Variants in GALNT1 observed in about 807,000 individuals in gnomAD.
The protein encoded by GALNT1 is polypeptide N-acetylgalactosaminyltransferase 1.
In GALNT1, 17 loss-of-function variants were observed where a neutral mutation model predicts 65.7. That is an observed-to-expected ratio of 0.26 (90% CI 0.18 to 0.39). GALNT1 has a LOEUF of 0.39. Ranked by LOEUF, GALNT1 falls within the 10% of genes least tolerant of loss-of-function variation. The pLI is 1.00. For synonymous variants in GALNT1, 210 were observed against 219.7 expected (o/e 0.96, Z 0.39); for missense variants, 460 against 672.8 (o/e 0.68, Z 3.50).
intron 1 of GALNT1, among the ~76,000 whole-genome samples, chr18:35,642,958 C>T (rs117751405): frequency 1.8e-3 from 273 of 152,028 alleles, no homozygotes; most frequent in Non-Finnish European, 3.2e-3. Flanking sequence ...TTCTCCATGT[C>T]GGGGGCAGTG....
chr18:35,584,563 C>G (rs1368802807), intron 1 of GALNT1, among the ~76,000 whole-genome samples: 1 of 152,158 alleles, frequency 6.6e-6, no homozygotes, highest in East Asian at 1.9e-4. Context: ...ACTGTTTGTT[C>G]ATTTATTCAA....
At chr18:35,591,743 G>A (rs549022170) in intron 1 of GALNT1, 120 of 154,394 alleles carry the variant, frequency 7.8e-4, no homozygotes, top group Admixed American at 2.4e-3. Flanking sequence ...CATACATGTA[G>A]GTGAGTGATT....
chr18:35,630,480 A>G (rs528729333), intron 1 of GALNT1, among the ~76,000 whole-genome samples: 1 of 152,354 alleles, frequency 6.6e-6, no homozygotes, highest in Admixed American at 6.5e-5. Context: ...ATGAAGGCAG[A>G]AATAAAGATG....
chr18:35,629,885 A>G (rs1249549497), intron 1 of GALNT1, among the ~76,000 whole-genome samples: 1 of 152,206 alleles, frequency 6.6e-6, no homozygotes, highest in Non-Finnish European at 1.5e-5. Flanking sequence ...ATGGAAAACA[A>G]AAAAAGGCAG....
At chr18:35,646,635 T>C (rs2047234944) in intron 1 of GALNT1, among the ~76,000 whole-genome samples, 1 of 152,224 alleles carries the variant, frequency 6.6e-6, no homozygotes, top group Admixed American at 6.5e-5. Context: ...GAGTGTTTAA[T>C]GACTCAGTCT....
chr18:35,677,877 A>G, intron 4 of GALNT1, 120 bp downstream of exon 4: 1 of 711,346 alleles, frequency 1.4e-6, no homozygotes, highest in Non-Finnish European at 2.1e-6. Context: ...TCCCAAAAAT[A>G]TGGCATTTGG....
chr18:35,682,908 T>TA (rs34199709), intron 4 of GALNT1, among the ~76,000 whole-genome samples: 89,987 of 118,208 alleles, frequency 0.76, 34,496 homozygotes, highest in South Asian at 0.85. Flanking sequence ...GCCCCCTGAT[T>TA]AAAAAAAAAA....
chr18:35,644,918 G>A (rs2047210055), intron 1 of GALNT1, among the ~76,000 whole-genome samples: 2 of 152,032 alleles, frequency 1.3e-5, no homozygotes, highest in African/African-American at 4.8e-5. Flanking sequence ...TTGAACCCAG[G>A]TGGCAAAGGT....
intron 7 of GALNT1, among the ~76,000 whole-genome samples, chr18:35,689,537 TTTATTA>T (rs1159751830): frequency 6.6e-6 from 1 of 152,180 alleles, no homozygotes; most frequent in Non-Finnish European, 1.5e-5. Flanking sequence ...GTTTTTAATT[TTTATTA>T]TTTTCAAGGA....
chr18:35,618,263 A>G (rs1280999585), intron 1 of GALNT1, among the ~76,000 whole-genome samples: 1 of 152,138 alleles, frequency 6.6e-6, no homozygotes, highest in East Asian at 1.9e-4. Flanking sequence ...GTATTCATTA[A>G]AAAGTATATA....
At chr18:35,680,458 G>A (rs1379477327) in intron 4 of GALNT1, among the ~76,000 whole-genome samples, 1 of 152,150 alleles carries the variant, frequency 6.6e-6, no homozygotes, top group African/African-American at 2.4e-5. Context: ...TACTTTGTCA[G>A]GTCTATTTGC....
At position 35,687,133 on chromosome 18, in the gene GALNT1, T is replaced by G; in HGVS notation, c.807T>G (p.Pro269=). 1 of 1,613,932 alleles carries G rather than the reference T, an allele frequency of 6.2e-7. No individual in the cohort carries two copies. The highest frequency in any genetic ancestry group is 8.5e-7 in the Non-Finnish European group (1 of 1,179,842). The change falls in exon 6 of 12, where the codon CCT becomes CCG. Residue 269 remains proline (P), a synonymous_variant. Coordinates refer to ENST00000269195, the MANE Select transcript of GALNT1 (RefSeq NM_020474.4). ...FNWKLNFRWY[P]VPQREMDRRK... ...GGAAGCTCAATTTTCGCTGGTATCC[T>G]GTTCCCCAAAGAGAAATGGACAGAA...
chr18:35,611,592 A>G lies in GALNT1; in HGVS notation c.-104+29730A>G, dbSNP rs931076628. On this transcript the variant is annotated intron_variant, in intron 1 of 11. Coordinates refer to ENST00000269195, the MANE Select transcript of GALNT1 (RefSeq NM_020474.4). ...AAATTCAATCAAGGTCCAATATGTAATCAGACAAAAGTAAGGATGTGGAGG... is the reference window on the plus strand; with the variant it reads ...AAATTCAATCAAGGTCCAATATGTAGTCAGACAAAAGTAAGGATGTGGAGG... 2.0e-5 allele frequency among the ~76,000 whole-genome samples: 3 copies of G among 152,202 alleles called. No homozygotes were observed. The East Asian group carries it at 5.8e-4, about 29-fold the overall frequency.
rs1300287293 is a variant in GALNT1 at position 35,687,038 on chromosome 18, A to G, written c.712A>G (p.Ile238Val). 2 of 1,613,082 alleles carry G rather than the reference A, an allele frequency of 1.2e-6. No homozygotes were observed. Among genetic ancestry groups the G allele is most frequent in the African/African-American group, 1.3e-5 (1 of 74,890 alleles). The change falls in exon 6 of 12, where the codon ATC (isoleucine) becomes GTC (valine). Residue 238 changes from isoleucine to valine, a missense_variant. By Grantham distance (29) the Ile-to-Val change is conservative (BLOSUM62 3). Coordinates refer to ENST00000269195, the MANE Select transcript of GALNT1 (RefSeq NM_020474.4). The stretch of plus-strand genomic sequence containing the variant: ...CAGGAGAACAGTGGTGTGTCCCATC[A>G]TCGATGTGATCAGTGATGATACTTT... The part of the protein sequence containing the change: ...HDRRTVVCPI[I>V]DVISDDTFEY...
In GALNT1 at chr18:35,709,497, G is replaced by A. The variant is rs557428153; in HGVS notation, c.1534-127G>A. 32 of 786,824 alleles carry A rather than the reference G, an allele frequency of 4.1e-5. No homozygotes were observed. In the East Asian group the frequency reaches 5.0e-4, roughly 12 times the overall value. 48.7% of individuals were successfully genotyped at this position (786,824 alleles called of 1,614,324 possible). A position where few individuals can be genotyped will look rare whatever the true frequency, so the allele number is the denominator to read the frequency against. ...CCATCCACCTACCTACCTTTTCTCC[G>A]TTGTCTTTTAAATAATGTATATTAC... On this transcript the variant is annotated intron_variant, in intron 11 of 11. Transcript: ENST00000269195.
chr18:35,707,177 G>T (rs1329357016), intron 11 of GALNT1, among the ~76,000 whole-genome samples: 1 of 152,164 alleles, frequency 6.6e-6, no homozygotes, highest in South Asian at 2.1e-4. Context: ...TTGACTACTT[G>T]TATCTGTCCT....
chr18:35,703,131 G>A, intron 10 of GALNT1, 136 bp downstream of exon 10: 1 of 558,122 alleles, frequency 1.8e-6, no homozygotes, highest in Non-Finnish European at 3.1e-6. Context: ...TTAGGTGAAG[G>A]AAGCTTTCAA....
intron 1 of GALNT1, among the ~76,000 whole-genome samples, chr18:35,607,698 C>T (rs964575366): frequency 5.9e-5 from 9 of 152,110 alleles, no homozygotes; most frequent in Non-Finnish European, 1.0e-4. Flanking sequence ...AATGAAACTT[C>T]AACTATCATA....
At chr18:35,647,095 TTTTC>T (rs1404639633) in intron 1 of GALNT1, among the ~76,000 whole-genome samples, 1 of 152,232 alleles carries the variant, frequency 6.6e-6, no homozygotes, top group East Asian at 1.9e-4. Context: ...TTCCTTTTCT[TTTTC>T]TTCAGTTCAC....
Sources: gnomAD v4.1 joint callset for allele counts (sites outside exome capture counted in the v4.1 genomes callset) on GRCh38, gnomAD v4.1.1 for gene constraint, MANE v1.5 for transcripts, NCBI Gene and HGNC (gene_info 2026-07-23, HGNC 2026-07-21) for gene names.